The following FSIP1 variants were observed in gnomAD, a reference collection of about 807,000 sequenced individuals.
FSIP1 encodes fibrous sheath-interacting protein 1.
FSIP1 carries 65 observed loss-of-function variants against 60.9 expected under a neutral mutation model. That is an observed-to-expected ratio of 1.07 (90% CI 0.87 to 1.31). The LOEUF (loss-of-function observed/expected upper bound fraction) is 1.31, where lower values mean the gene tolerates loss of function less well. Ranked by LOEUF, FSIP1 falls within the 40% of genes most tolerant of loss-of-function variation. The probability of loss-of-function intolerance (pLI) is 0.00; values close to 1 mark genes in which losing one functional copy is unlikely to be tolerated. For missense variants in FSIP1, 675 were observed against 665.5 expected (o/e 1.01, Z -0.16); for synonymous variants, 209 against 221.2 (o/e 0.94, Z 0.49).
intron 10 of FSIP1, among the ~76,000 whole-genome samples, chr15:39,690,682 T>C (rs1307487767): frequency 2.0e-5 from 3 of 152,194 alleles, no homozygotes; most frequent in African/African-American, 7.2e-5. Flanking sequence ...ACCATAGAGT[T>C]GTTACTTTTG....
At chr15:39,678,947 C>T (rs1894052748) in intron 10 of FSIP1, among the ~76,000 whole-genome samples, 1 of 152,114 alleles carries the variant, frequency 6.6e-6, no homozygotes, top group African/African-American at 2.4e-5. Flanking sequence ...TTGTTGTTAT[C>T]TTTTTTCTTT....
intron 9 of FSIP1, among the ~76,000 whole-genome samples, chr15:39,714,922 G>A (rs186903200): frequency 6.9e-6 from 1 of 143,916 alleles, no homozygotes; most frequent in Non-Finnish European, 1.5e-5. Context: ...GCAGTGAGCT[G>A]TGATCGCACC....
At chr15:39,781,952 C>T (rs1320147031) in intron 1 of FSIP1, among the ~76,000 whole-genome samples, 1 of 152,194 alleles carries the variant, frequency 6.6e-6, no homozygotes, top group Non-Finnish European at 1.5e-5. Context: ...ATGGGTGAGG[C>T]TTACCATAAG....
downstream of FSIP1, chr15:39,597,873 T>G (rs1014186430): frequency 6.6e-6 from 1 of 152,156 alleles, no homozygotes; most frequent in Non-Finnish European, 1.5e-5. Context: ...GAATGATGCC[T>G]TGGGTGGGCA....
Position 39,617,992 on chromosome 15 carries a change from CCT to C in FSIP1, c.1440_1441del (p.Gly481LeufsTer5). 3 of 1,614,140 alleles carry C rather than the reference CCT, an allele frequency of 1.9e-6. No individual in the cohort carries two copies. The highest frequency in any genetic ancestry group is 2.5e-6 in the Non-Finnish European group (3 of 1,180,022). On this transcript the variant is annotated frameshift_variant, in exon 11 of 12. Transcript: ENST00000350221. LOFTEE classifies it high-confidence loss of function. The stretch of plus-strand genomic sequence containing the variant: ...AGTCAAGGCTTTAGTGAGATAGTAG[CCT>C]TTAGAAGCTTCACATTCTTCACTCT...
chr15:39,773,917 C>T lies in FSIP1; in HGVS notation c.126+2482G>A, dbSNP rs77194989. ...AAAAATGTTTTCAGGGATGATGGAACAAACTGCTCCATATCTTGATTGTAA... is the reference window on the plus strand; with the variant it reads ...AAAAATGTTTTCAGGGATGATGGAATAAACTGCTCCATATCTTGATTGTAA... On this transcript the variant is annotated intron_variant, in intron 2 of 11. Coordinates refer to ENST00000350221, the MANE Select transcript of FSIP1 (RefSeq NM_152597.5). Among the ~76,000 whole-genome samples the T allele has an allele frequency of 7.4e-3, 1,124 of 152,268 alleles. 19 individuals carry two copies. The highest frequency in any genetic ancestry group is 0.026 in the African/African-American group (1,072 of 41,554).
intron 8 of FSIP1, among the ~76,000 whole-genome samples, chr15:39,727,360 C>A (rs190880822): frequency 6.6e-6 from 1 of 152,270 alleles, no homozygotes; most frequent in Admixed American, 6.5e-5. Context: ...TTGGCAGCAA[C>A]AATTTTAACA....
intron 10 of FSIP1, among the ~76,000 whole-genome samples, chr15:39,691,149 C>T (rs1466525566): frequency 2.6e-5 from 4 of 152,196 alleles, no homozygotes; most frequent in African/African-American, 9.7e-5. Context: ...CTCATTTGCA[C>T]TATATTTGCA....
rs575768052 is a variant in FSIP1 at position 39,733,770 on chromosome 15, T to C, written c.891+4321A>G. 3.9e-5 allele frequency among the ~76,000 whole-genome samples: 6 copies of C among 152,122 alleles called. No individual in the cohort carries two copies. In the South Asian group the frequency reaches 1.2e-3, roughly 32 times the overall value. On this transcript the variant is annotated intron_variant, in intron 8 of 11. Coordinates refer to ENST00000350221, the MANE Select transcript of FSIP1 (RefSeq NM_152597.5). The stretch of plus-strand genomic sequence containing the variant: ...TCCCTCTTTCTGTCTGCTTGGAAAA[T>C]GGACACACTGCCTACAGATGTAGCA...
Position 39,645,890 on chromosome 15 carries a change from G to C in FSIP1, c.1189-27645C>G, listed in dbSNP as rs754955279. 5.3e-5 allele frequency among the ~76,000 whole-genome samples: 8 copies of C among 152,232 alleles called. No individual in the cohort carries two copies. In the South Asian group the frequency reaches 1.7e-3, roughly 32 times the overall value. On this transcript the variant is annotated intron_variant, in intron 10 of 11. Coordinates refer to ENST00000350221, the MANE Select transcript of FSIP1 (RefSeq NM_152597.5). ...AGGCAGACAGAGTCCGGGGTGGAAG[G>C]GGGCAGGGTCCCCAGTAAGGCCCCA...
At chr15:39,711,389 C>G (rs1895499968) in intron 10 of FSIP1, among the ~76,000 whole-genome samples, 1 of 152,110 alleles carries the variant, frequency 6.6e-6, no homozygotes, top group South Asian at 2.1e-4. Flanking sequence ...TGCCCAAATT[C>G]CCCACCTCCT....
chr15:39,771,514 G>A (rs532216235), intron 2 of FSIP1, among the ~76,000 whole-genome samples: 2 of 152,280 alleles, frequency 1.3e-5, no homozygotes, highest in South Asian at 2.1e-4. Flanking sequence ...GCAGGCCTGC[G>A]TGAGTATGTC....
chr15:39,757,972 C>T (rs1378382277), intron 5 of FSIP1, among the ~76,000 whole-genome samples: 1 of 152,100 alleles, frequency 6.6e-6, no homozygotes, highest in Non-Finnish European at 1.5e-5. Context: ...TTAATAATGT[C>T]ATCATGTTTA....
intron 9 of FSIP1, among the ~76,000 whole-genome samples, chr15:39,720,872 T>A (rs2129455): frequency 0.12 from 18,104 of 152,220 alleles, 1,321 homozygotes; most frequent in African/African-American, 0.2. Context: ...TTAGTTCTCT[T>A]GCTAAGACAA....
chr15:39,750,302 A>G (rs993129699), intron 5 of FSIP1, among the ~76,000 whole-genome samples: 1 of 152,044 alleles, frequency 6.6e-6, no homozygotes, highest in Non-Finnish European at 1.5e-5. Context: ...TAAACTTCAT[A>G]TGGAACCACA....
At chr15:39,664,682 A>G (rs936570182) in intron 10 of FSIP1, among the ~76,000 whole-genome samples, 5 of 152,080 alleles carry the variant, frequency 3.3e-5, no homozygotes, top group African/African-American at 1.2e-4. Context: ...AGCTCCCCCA[A>G]TCCCCACCAT....
At chr15:39,627,145 A>C (rs980808175) in intron 10 of FSIP1, among the ~76,000 whole-genome samples, 1 of 152,198 alleles carries the variant, frequency 6.6e-6, no homozygotes, top group African/African-American at 2.4e-5. Flanking sequence ...GGCTGCACTG[A>C]CATTACACTG....
chr15:39,598,460 A>G (rs891614580), downstream of FSIP1: 1 of 152,250 alleles, frequency 6.6e-6, no homozygotes, highest in African/African-American at 2.4e-5. Context: ...GAAATGGCAA[A>G]GAATTAAATA....
At chr15:39,645,816 T>C (rs1008775003) in intron 10 of FSIP1, among the ~76,000 whole-genome samples, 2 of 152,096 alleles carry the variant, frequency 1.3e-5, no homozygotes, top group Non-Finnish European at 2.9e-5. Context: ...CCAGCTCCAA[T>C]CTCGGAGCGG....
Sources: gnomAD v4.1 joint callset for allele counts (sites outside exome capture counted in the v4.1 genomes callset) on GRCh38, gnomAD v4.1.1 for gene constraint, MANE v1.5 for transcripts, NCBI Gene and HGNC (gene_info 2026-07-23, HGNC 2026-07-21) for gene names.